MARCHF1: variants seen among roughly 807,000 people sequenced by gnomAD.
The protein encoded by MARCHF1 is E3 ubiquitin-protein ligase MARCHF1.
In MARCHF1, 40 loss-of-function variants were observed where a neutral mutation model predicts 54.2. The ratio of observed to expected loss-of-function variants is 0.74; its 90% CI spans 0.57 to 0.96. The LOEUF is 0.96. Ranked by LOEUF, MARCHF1 falls within the 40% of genes least tolerant of loss-of-function variation. The pLI is 0.00. For synonymous variants in MARCHF1, 236 were observed against 236.3 expected (o/e 1.00, Z 0.01); for missense variants, 586 against 656.5 (o/e 0.89, Z 1.17).
intron 2 of MARCHF1, among the ~76,000 whole-genome samples, chr4:164,022,470 T>C (rs1335062024): frequency 1.3e-5 from 2 of 152,142 alleles, no homozygotes; most frequent in Non-Finnish European, 2.9e-5. Context: ...GGTACACAAA[T>C]GCTAGGGCTA....
intron 1 of MARCHF1, among the ~76,000 whole-genome samples, chr4:164,147,847 T>A (rs1023687092): frequency 1.5e-5 from 2 of 134,760 alleles, no homozygotes; most frequent in South Asian, 2.5e-4. Context: ...ATAAAAAAAA[T>A]AAATTCCATT....
chr4:163,987,941 A>C (rs1752901223), intron 3 of MARCHF1, among the ~76,000 whole-genome samples: 1 of 152,232 alleles, frequency 6.6e-6, no homozygotes, highest in African/African-American at 2.4e-5. Context: ...TGAGGAACAA[A>C]ATATAAATGT....
chr4:164,169,743 C>T (rs34886203), intron 1 of MARCHF1, among the ~76,000 whole-genome samples: 6,932 of 152,040 alleles, frequency 0.046, 216 homozygotes, highest in Middle Eastern at 0.15. Context: ...AAAATCATGA[C>T]CACTCAGGAC....
intron 1 of MARCHF1, among the ~76,000 whole-genome samples, chr4:164,181,261 T>C (rs1039208619): frequency 3.9e-5 from 6 of 152,170 alleles, no homozygotes; most frequent in Non-Finnish European, 8.8e-5. Flanking sequence ...CTCCCTTCAA[T>C]GTTAGCTCCC....
intron 4 of MARCHF1, among the ~76,000 whole-genome samples, chr4:163,798,186 T>G (rs1235701264): frequency 3.9e-5 from 6 of 152,108 alleles, no homozygotes; most frequent in Admixed American, 6.6e-5. Flanking sequence ...AACACGTGCC[T>G]TATACAAAGA....
chr4:163,619,818 A>G, intron 5 of MARCHF1, among the ~76,000 whole-genome samples: 2 of 151,976 alleles, frequency 1.3e-5, no homozygotes, highest in Admixed American at 1.3e-4. Flanking sequence ...TTTATGTTTA[A>G]TTAATGTTTA....
At chr4:163,741,132 T>G (rs1746183450) in intron 4 of MARCHF1, among the ~76,000 whole-genome samples, 1 of 152,218 alleles carries the variant, frequency 6.6e-6, no homozygotes. Flanking sequence ...TTTCTACTAG[T>G]TATGCAACCT....
At chr4:164,064,057 A>G (rs1754676502) in intron 2 of MARCHF1, among the ~76,000 whole-genome samples, 1 of 152,186 alleles carries the variant, frequency 6.6e-6, no homozygotes, top group African/African-American at 2.4e-5. Context: ...TGTTTTGGTT[A>G]CTGTAGCCCT....
intron 1 of MARCHF1, among the ~76,000 whole-genome samples, chr4:164,341,649 G>A (rs1426397270): frequency 1.3e-5 from 2 of 152,192 alleles, no homozygotes; most frequent in Non-Finnish European, 2.9e-5. Context: ...TCATGTGGTG[G>A]AAGGGGTGAA....
chr4:163,867,814 C>CTTT (rs34739113), intron 3 of MARCHF1, among the ~76,000 whole-genome samples: 13 of 131,002 alleles, frequency 9.9e-5, no homozygotes, highest in East Asian at 8.8e-4. Flanking sequence ...CATCAATTTC[C>CTTT]TTTTTTTTTT....
At chr4:163,908,710 G>A (rs545841571) in intron 3 of MARCHF1, among the ~76,000 whole-genome samples, 3 of 152,220 alleles carry the variant, frequency 2.0e-5, no homozygotes, top group African/African-American at 7.2e-5. Flanking sequence ...AAGGCAATTA[G>A]AGGACTAATG....
chr4:164,052,347 C>A (rs1008372789), intron 2 of MARCHF1, among the ~76,000 whole-genome samples: 1 of 151,948 alleles, frequency 6.6e-6, no homozygotes, highest in Non-Finnish European at 1.5e-5. Flanking sequence ...GCCTGGCCAA[C>A]ATGGTAAAGC....
At chr4:163,616,391 C>A (rs1159802757) in intron 5 of MARCHF1, among the ~76,000 whole-genome samples, 3 of 151,974 alleles carry the variant, frequency 2.0e-5, no homozygotes, top group East Asian at 3.9e-4. Flanking sequence ...TACAAGGAAC[C>A]CAAACAGCTT....
At chr4:164,360,425 T>C (rs1421791593) in intron 1 of MARCHF1, among the ~76,000 whole-genome samples, 1 of 152,078 alleles carries the variant, frequency 6.6e-6, no homozygotes, top group African/African-American at 2.4e-5. Flanking sequence ...TTTAAAATAG[T>C]TGGAGGGAGA....
intron 2 of MARCHF1, among the ~76,000 whole-genome samples, chr4:164,018,139 A>T (rs938391317): frequency 2.6e-5 from 4 of 152,006 alleles, no homozygotes; most frequent in African/African-American, 9.6e-5. Flanking sequence ...GCTTCACACG[A>T]TAAACAAAAT....
chr4:164,023,969 C>A (rs1160349101), intron 2 of MARCHF1, among the ~76,000 whole-genome samples: 2 of 151,752 alleles, frequency 1.3e-5, no homozygotes, highest in African/African-American at 2.4e-5. Flanking sequence ...GCAGAATAAA[C>A]CAAGATGAGG....
chr4:163,993,974 G>GT (rs1753015005), intron 2 of MARCHF1, among the ~76,000 whole-genome samples: 1 of 152,172 alleles, frequency 6.6e-6, no homozygotes, highest in South Asian at 2.1e-4. Context: ...GGCAAATAAA[G>GT]TTAGCCTCAG....
At chr4:164,145,467 A>G (rs1729655809) in intron 1 of MARCHF1, among the ~76,000 whole-genome samples, 1 of 152,056 alleles carries the variant, frequency 6.6e-6, no homozygotes, top group South Asian at 2.1e-4. Flanking sequence ...CAAAAAGCTT[A>G]TCCACCATGA....
In MARCHF1 at chr4:164,015,853, G is replaced by A. The variant is rs529237640; in HGVS notation, c.-247-27144C>T. Among the ~76,000 whole-genome samples, 3 of 151,172 alleles carry A rather than the reference G, an allele frequency of 2.0e-5. No homozygotes were observed. The South Asian group carries it at 6.3e-4, about 32-fold the overall frequency. On this transcript the variant is annotated intron_variant, in intron 2 of 9. Coordinates refer to ENST00000514618, the MANE Select transcript of MARCHF1 (RefSeq NM_001394959.1). ...CCCTTTATACGCTGTTGGTAAAAAT[G>A]TAAGTTACCAACATACAGCAACTAT...
Sources: allele counts gnomAD v4.1 joint callset (sites outside exome capture counted in the v4.1 genomes callset), GRCh38; gene constraint gnomAD v4.1.1; transcripts MANE v1.5; gene names NCBI Gene and HGNC (gene_info 2026-07-23, HGNC 2026-07-21).